The following NTSR1 variants were observed in gnomAD, a reference collection of about 807,000 sequenced individuals.
The protein encoded by NTSR1 is neurotensin receptor type 1.
Under a neutral mutation model 31.2 loss-of-function variants are expected in NTSR1, and 29 were observed. The ratio of observed to expected loss-of-function variants is 0.93; its 90% confidence interval spans 0.69 to 1.27. The LOEUF (loss-of-function observed/expected upper bound fraction) is 1.27, where lower values mean the gene tolerates loss of function less well. Ranked by LOEUF, NTSR1 falls within the 50% of genes most tolerant of loss-of-function variation. NTSR1 has a pLI of 0.00. For missense variants in NTSR1, 697 were observed against 595.4 expected, an observed-to-expected ratio of 1.17 and a Z score of -1.78; for synonymous variants, 282 against 269.9, an observed-to-expected ratio of 1.04 and a Z score of -0.44.
chr20:62,709,791 C>T lies in NTSR1; in HGVS notation c.584C>T (p.Ala195Val). 1.2e-6 allele frequency: 2 copies of T among 1,612,976 alleles called. No individual in the cohort carries two copies. The highest frequency in any genetic ancestry group is 1.1e-5 in the South Asian group (1 of 91,088). The stretch of plus-strand genomic sequence containing the variant: ...AAGTTCATCAGCGCCATCTGGCTCG[C>T]CTCGGCCCTGCTGGCGGTGCCTATG... The part of the protein sequence containing the change: ...TKKFISAIWL[A>V]SALLAVPMLF... Residue 195 changes from alanine to valine, a missense_variant, in exon 1 of 4, where the codon GCC (alanine) becomes GTC (valine). Transcript: ENST00000370501.
intron 1 of NTSR1, among the ~76,000 whole-genome samples, chr20:62,723,259 G>A (rs562184568): frequency 1.2e-4 from 18 of 152,290 alleles, no homozygotes; most frequent in African/African-American, 4.1e-4. Flanking sequence ...ATTCCTGCTT[G>A]GGCATCACTC....
intron 1 of NTSR1, among the ~76,000 whole-genome samples, chr20:62,713,667 G>C (rs1988659875): frequency 6.6e-6 from 1 of 152,196 alleles, no homozygotes; most frequent in South Asian, 2.1e-4. Flanking sequence ...CAAATGGAAG[G>C]AGAGCAAGCA....
chr20:62,717,057 G>A (rs763284361), intron 1 of NTSR1, among the ~76,000 whole-genome samples: 6 of 152,236 alleles, frequency 3.9e-5, no homozygotes, highest in South Asian at 4.1e-4. Context: ...GCTCTGCAGC[G>A]TCAATGAAGA....
chr20:62,736,757 C>T (rs1431489230), intron 1 of NTSR1, among the ~76,000 whole-genome samples: 2 of 152,232 alleles, frequency 1.3e-5, no homozygotes, highest in African/African-American at 2.4e-5. Context: ...GGAGTTACTT[C>T]GTGATGTGTT....
At chr20:62,727,378 C>T (rs1988926468) in intron 1 of NTSR1, among the ~76,000 whole-genome samples, 1 of 152,230 alleles carries the variant, frequency 6.6e-6, no homozygotes, top group Non-Finnish European at 1.5e-5. Context: ...GTGCCAGGAA[C>T]AGGTGAGCTG....
Position 62,758,182 on chromosome 20 carries a change from T to C in NTSR1, c.917-84T>C, listed in dbSNP as rs1478337791. The C allele has an allele frequency of 4.7e-5, 24 of 512,652 alleles. No homozygotes were observed. In the South Asian group the frequency reaches 1.0e-3, roughly 22 times the overall value. 31.8% of individuals were successfully genotyped at this position (512,652 alleles called of 1,614,324 possible). A position where few individuals can be genotyped will look rare whatever the true frequency, so the allele number is the denominator to read the frequency against. On this transcript the variant is annotated intron_variant, in intron 2 of 3. Coordinates refer to ENST00000370501, the MANE Select transcript of NTSR1 (RefSeq NM_002531.3). This position sits in a 1 kb window ranked among gnomAD's most constrained non-coding sequence, Gnocchi z 4.5. ...GTGGGTCTCTGAGCCCACATCTGTG[T>C]GCCTCAGGTGCAGTGGGTCTCTGAG... is the stretch of plus-strand genomic sequence containing the variant.
At position 62,745,873 on chromosome 20, in the gene NTSR1, G is replaced by A. The variant is rs1475848423; in HGVS notation, c.715-8812G>A. Among the ~76,000 whole-genome samples, 1 of 152,230 alleles carries A rather than the reference G, an allele frequency of 6.6e-6. No homozygotes were observed. Among genetic ancestry groups the A allele is most frequent in the Non-Finnish European group, 1.5e-5 (1 of 68,050 alleles). ...CACGCGTCCCCCAGAATATTCATGG[G>A]GCTGGGCCAGGTGACTCCCTGCTCT... On this transcript the variant is annotated intron_variant, in intron 1 of 3. Transcript: ENST00000370501. The surrounding 1 kb of genome is among the most constrained non-coding windows in gnomAD (Gnocchi z 4.1).
chr20:62,711,573 C>T lies in NTSR1; in HGVS notation c.714+1652C>T, dbSNP rs1286483860. Among the ~76,000 whole-genome samples, 33 of 140,118 alleles carry T rather than the reference C, an allele frequency of 2.4e-4. No individual in the cohort carries two copies. Among genetic ancestry groups the T allele is most frequent in the African/African-American group, 8.6e-4 (33 of 38,338 alleles). 91.9% of individuals were successfully genotyped at this position (140,118 alleles called of 152,430 possible). The stretch of plus-strand genomic sequence containing the variant: ...GATCCCCCCACTCAGACCCCCGATC[C>T]CCCCGCTCAGATCCCCGATCCCCCC... On this transcript the variant is annotated intron_variant, in intron 1 of 3. Transcript: ENST00000370501. This position sits in a 1 kb window ranked among gnomAD's most constrained non-coding sequence, Gnocchi z 6.4.
At position 62,709,904 on chromosome 20, in the gene NTSR1, G is replaced by A. The variant is rs141669500; in HGVS notation, c.697G>A (p.Val233Ile). ...VCTPTIHTAT[V>I]KVVIQVNTFM... ...CACCCCCACCATCCACACTGCCACC[G>A]TCAAGGTCGTCATACAGGTGAGCCT... Residue 233 changes from valine to isoleucine, a missense_variant, in exon 1 of 4, where the codon GTC (valine) becomes ATC (isoleucine). By Grantham distance (29) the Val-to-Ile change is conservative. Transcript: ENST00000370501. 13 of 1,594,044 alleles carry A rather than the reference G, an allele frequency of 8.2e-6. No individual in the cohort carries two copies. Among genetic ancestry groups the A allele is most frequent in the Admixed American group, 3.4e-5 (2 of 58,504 alleles).
At position 62,762,727 on chromosome 20, in the gene NTSR1, C is replaced by G. The variant is rs1052518772; in HGVS notation, c.*2460C>G. 9 of 152,192 alleles carry G rather than the reference C, an allele frequency of 5.9e-5. No homozygotes were observed. Among genetic ancestry groups the G allele is most frequent in the African/African-American group, 1.9e-4 (8 of 41,442 alleles). 9.4% of individuals were successfully genotyped at this position (152,192 alleles called of 1,614,324 possible). On this transcript the variant is annotated 3_prime_UTR_variant, in exon 4 of 4. Coordinates refer to ENST00000370501, the MANE Select transcript of NTSR1 (RefSeq NM_002531.3). ...CCATCTGCAGGTGGTGAAAACAAAC[C>G]CCGTGTATCTCTCAATAAAGGTGGC...
intron 1 of NTSR1, among the ~76,000 whole-genome samples, chr20:62,747,777 A>C (rs184377425): frequency 9.8e-5 from 15 of 152,368 alleles, no homozygotes; most frequent in East Asian, 7.7e-4. Flanking sequence ...AAAACAAAAA[A>C]AAACTGTTAG....
At chr20:62,717,367 A>ACCCTTCT (rs1988749595) in intron 1 of NTSR1, among the ~76,000 whole-genome samples, 1 of 152,182 alleles carries the variant, frequency 6.6e-6, no homozygotes, top group Non-Finnish European at 1.5e-5. Flanking sequence ...GATCAGGAGA[A>ACCCTTCT]TGCTTCCCGA....
intron 1 of NTSR1, among the ~76,000 whole-genome samples, chr20:62,734,821 C>T (rs35305116): frequency 6.6e-6 from 1 of 152,340 alleles, no homozygotes; most frequent in South Asian, 2.1e-4. Context: ...AATAAGATAT[C>T]GTATTAAAAT....
At chr20:62,756,481 G>A (rs2147149698) in intron 2 of NTSR1, 1 of 152,448 alleles carries the variant, frequency 6.6e-6, no homozygotes, top group East Asian at 1.9e-4. Context: ...CATTTGGCTT[G>A]AGCTCCTCCC....
intron 1 of NTSR1, among the ~76,000 whole-genome samples, chr20:62,731,352 G>A (rs189886915): frequency 1.2e-3 from 177 of 152,246 alleles, no homozygotes; most frequent in African/African-American, 3.6e-3. Flanking sequence ...CAAAAGTGCT[G>A]GGATTACAAG....
chr20:62,709,434 T>TGGGCACGGTA lies in NTSR1; in HGVS notation c.236_237insAGGGCACGGT (p.Asn81HisfsTer255), dbSNP rs926472663. Reference sequence around the variant, plus strand: ...GCCGTGTACCTGGCGCTCTTCGTGGTGGGCACGGTGGGCAACACGGTGACG... The same window carrying TGGGCACGGTA: ...GCCGTGTACCTGGCGCTCTTCGTGGTGGGCACGGTAGGGCACGGTGGGCAACACGGTGACG... On this transcript the variant is annotated frameshift_variant, in exon 1 of 4. Coordinates refer to ENST00000370501, the MANE Select transcript of NTSR1 (RefSeq NM_002531.3). LOFTEE classifies it high-confidence loss of function. 3.1e-6 allele frequency: 5 copies of TGGGCACGGTA among 1,612,026 alleles called. No homozygotes were observed. In the African/African-American group the frequency reaches 6.7e-5, roughly 22 times the overall value.
rs1300087324 is a variant in NTSR1 at position 62,741,229 on chromosome 20, T to C, written c.715-13456T>C. 1.3e-5 allele frequency among the ~76,000 whole-genome samples: 2 copies of C among 152,178 alleles called. No individual in the cohort carries two copies. Among genetic ancestry groups the C allele is most frequent in the East Asian group, 3.9e-4 (2 of 5,194 alleles). On this transcript the variant is annotated intron_variant, in intron 1 of 3. Coordinates refer to ENST00000370501, the MANE Select transcript of NTSR1 (RefSeq NM_002531.3). This position sits in a 1 kb window ranked among gnomAD's most constrained non-coding sequence, Gnocchi z 4.3. ...CTCCCGGCAGCCAGGCTGCTGCCAG[T>C]CCCGCAGCTCAGCCGGGCACAGACA...
chr20:62,740,422 G>C (rs1989184665), intron 1 of NTSR1, among the ~76,000 whole-genome samples: 1 of 150,562 alleles, frequency 6.6e-6, no homozygotes. Context: ...CTCATTCTTA[G>C]TCATAGGGTG....
chr20:62,717,917 G>A (rs144199046), intron 1 of NTSR1, among the ~76,000 whole-genome samples: 144 of 152,240 alleles, frequency 9.5e-4, no homozygotes, highest in South Asian at 2.5e-3. Flanking sequence ...AACGAGAGCC[G>A]CAGAGAAAAC....
Sources: allele counts gnomAD v4.1 joint callset (sites outside exome capture counted in the v4.1 genomes callset), GRCh38; gene constraint gnomAD v4.1.1; non-coding constraint Gnocchi (gnomAD v3.1); transcripts MANE v1.5; gene names NCBI Gene and HGNC (gene_info 2026-07-23, HGNC 2026-07-21).